The following BNC2 variants were observed in gnomAD, a reference collection of about 807,000 sequenced individuals.
The protein encoded by BNC2 is zinc finger protein basonuclin-2.
BNC2 carries 20 observed loss-of-function variants against 76.3 expected under a neutral mutation model. That is an observed-to-expected ratio of 0.26 (90% CI 0.18 to 0.38). The LOEUF (loss-of-function observed/expected upper bound fraction) is 0.38, where lower values mean the gene tolerates loss of function less well. BNC2 is among the 10% of genes least tolerant of loss of function. The pLI is 1.00. For synonymous variants in BNC2, 582 were observed against 514.8 expected (o/e 1.13, Z -1.77); for missense variants, 1,382 against 1,399.8 (o/e 0.99, Z 0.20).
intron 1 of BNC2, among the ~76,000 whole-genome samples, chr9:16,793,310 A>G (rs1817561942): frequency 6.6e-6 from 1 of 152,196 alleles, no homozygotes; most frequent in Non-Finnish European, 1.5e-5. Context: ...CCAACTATAA[A>G]CAGCAGAAAC....
intron 1 of BNC2, among the ~76,000 whole-genome samples, chr9:16,830,364 T>C (rs1233064064): frequency 6.6e-6 from 1 of 152,218 alleles, no homozygotes; most frequent in African/African-American, 2.4e-5. Context: ...CTCAAATCCC[T>C]TAAAAATTGG....
intron 3 of BNC2, among the ~76,000 whole-genome samples, chr9:16,674,225 T>G (rs1822569070): frequency 6.6e-6 from 1 of 152,174 alleles, no homozygotes; most frequent in African/African-American, 2.4e-5. Context: ...GGATAAAATT[T>G]TTAAACTGTC....
In BNC2 at chr9:16,643,727, C is replaced by T. The variant is rs1020447820; in HGVS notation, c.331-60642G>A. The stretch of plus-strand genomic sequence containing the variant: ...TTCTTGGTACTTATAAGGGTAGCTG[C>T]TATTCAAAAATCATTTTTAGCTTCT... On this transcript the variant is annotated intron_variant, in intron 3 of 6. Transcript: ENST00000380672. Among the ~76,000 whole-genome samples, 6 of 152,256 alleles carry T rather than the reference C, an allele frequency of 3.9e-5. No individual in the cohort carries two copies. The South Asian group carries it at 1.2e-3, about 32-fold the overall frequency.
chr9:16,662,643 G>C (rs1822142926), intron 3 of BNC2, among the ~76,000 whole-genome samples: 1 of 152,178 alleles, frequency 6.6e-6, no homozygotes, highest in East Asian at 1.9e-4. Context: ...GGCTGAGGCA[G>C]GAGAATCATT....
At chr9:16,847,516 A>C (rs1819018354) in intron 1 of BNC2, among the ~76,000 whole-genome samples, 1 of 119,866 alleles carries the variant, frequency 8.3e-6, no homozygotes, top group Admixed American at 9.9e-5. Context: ...AGAATTGACC[A>C]AACACGTTTA....
At chr9:16,634,075 T>G (rs574178006) in intron 3 of BNC2, among the ~76,000 whole-genome samples, 298 of 152,310 alleles carry the variant, frequency 2.0e-3, no homozygotes, top group African/African-American at 6.9e-3. Flanking sequence ...TAACTAGTAC[T>G]TCTCTAAACA....
intron 4 of BNC2, among the ~76,000 whole-genome samples, chr9:16,576,849 T>C (rs1819499560): frequency 6.6e-6 from 1 of 152,216 alleles, no homozygotes; most frequent in African/African-American, 2.4e-5. Flanking sequence ...GCGATTCTCA[T>C]GCTTCAGCCT....
rs575188709 is a variant in BNC2 at position 16,816,350 on chromosome 9, A to G, written c.3+54296T>C. Among the ~76,000 whole-genome samples the G allele has an allele frequency of 7.2e-4, 110 of 152,282 alleles. No individual in the cohort carries two copies. The South Asian group carries it at 7.3e-3, about 10-fold the overall frequency. On this transcript the variant is annotated intron_variant, in intron 1 of 6. Transcript: ENST00000380672. ...TTCTTCACACCACCACTTCAAGATG[A>G]AGGAAACGAAGCTCAATGCAGGGGC...
chr9:16,436,954 G>A lies in BNC2; in HGVS notation c.1240C>T (p.Leu414=). Residue 414 remains leucine, a synonymous_variant, in exon 6 of 7, where the codon CTA becomes TTA. Coordinates refer to ENST00000380672, the MANE Select transcript of BNC2 (RefSeq NM_017637.6). The part of the protein sequence containing the change: ...PIQNSAPVSD[L]TKTEHPKSSF... ...CTTTTTGGGTGTTCAGTTTTGGTTA[G>A]ATCACTGACTGGGGCAGAATTCTGA... The A allele has an allele frequency of 6.2e-7, 1 of 1,614,134 alleles. No individual in the cohort carries two copies. The highest frequency in any genetic ancestry group is 8.5e-7 in the Non-Finnish European group (1 of 1,180,036).
chr9:16,592,396 A>T (rs894101910), intron 3 of BNC2, among the ~76,000 whole-genome samples: 1 of 152,212 alleles, frequency 6.6e-6, no homozygotes, highest in Non-Finnish European at 1.5e-5. Flanking sequence ...AACATGAATG[A>T]ACATGAAAAA....
intron 1 of BNC2, among the ~76,000 whole-genome samples, chr9:16,779,962 C>T (rs541125239): frequency 5.3e-5 from 8 of 152,128 alleles, no homozygotes; most frequent in Admixed American, 2.0e-4. Flanking sequence ...ACTGGCCGGG[C>T]GTGGTGGCTC....
intron 5 of BNC2, among the ~76,000 whole-genome samples, chr9:16,541,982 C>T (rs1035311944): frequency 6.6e-6 from 1 of 151,960 alleles, no homozygotes; most frequent in Non-Finnish European, 1.5e-5. Flanking sequence ...TACTCAACTG[C>T]TGTTTTTAAA....
At chr9:16,817,737 C>T (rs921156230) in intron 1 of BNC2, among the ~76,000 whole-genome samples, 5 of 152,192 alleles carry the variant, frequency 3.3e-5, no homozygotes, top group African/African-American at 1.2e-4. Flanking sequence ...ACAGCTTTTG[C>T]TCATACTGGA....
chr9:16,422,636 C>A (rs542567188), intron 6 of BNC2, among the ~76,000 whole-genome samples: 13 of 152,308 alleles, frequency 8.5e-5, no homozygotes, highest in Non-Finnish European at 1.5e-4. Flanking sequence ...GGAAAGTCTG[C>A]TGTTCACTCT....
chr9:16,515,067 G>A (rs912860025), intron 5 of BNC2, among the ~76,000 whole-genome samples: 1 of 152,218 alleles, frequency 6.6e-6, no homozygotes, highest in African/African-American at 2.4e-5. Flanking sequence ...TATCAGTACT[G>A]TTGGCTATTT....
intron 5 of BNC2, among the ~76,000 whole-genome samples, chr9:16,459,654 T>G (rs1484568674): frequency 6.6e-6 from 1 of 152,096 alleles, no homozygotes; most frequent in African/African-American, 2.4e-5. Flanking sequence ...GAAAACAGCA[T>G]GCAAACAGCA....
chr9:16,773,543 CAAT>C (rs763243635), intron 1 of BNC2, among the ~76,000 whole-genome samples: 50 of 149,768 alleles, frequency 3.3e-4, no homozygotes, highest in Non-Finnish European at 5.5e-4. Flanking sequence ...AGGGACAGTG[CAAT>C]AATAATAATT....
At chr9:16,511,475 T>C (rs1474538341) in intron 5 of BNC2, among the ~76,000 whole-genome samples, 1 of 146,974 alleles carries the variant, frequency 6.8e-6, no homozygotes, top group East Asian at 2.0e-4. Flanking sequence ...TCACCCAGGC[T>C]GGACTGCAGT....
intron 1 of BNC2, among the ~76,000 whole-genome samples, chr9:16,769,847 G>C (rs1825789152): frequency 1.3e-5 from 2 of 152,284 alleles, no homozygotes; most frequent in South Asian, 4.1e-4. Context: ...GCAAACGTGA[G>C]AAAACCCTGA....
Sources: gnomAD v4.1 joint callset for allele counts (sites outside exome capture counted in the v4.1 genomes callset) on GRCh38, gnomAD v4.1.1 for gene constraint, MANE v1.5 for transcripts, NCBI Gene and HGNC (gene_info 2026-07-23, HGNC 2026-07-21) for gene names.